The following ZNF717 variants were observed in gnomAD, a reference collection of about 807,000 sequenced individuals.
The protein encoded by ZNF717 is krueppel-like factor X17.
ZNF717 carries 9 observed loss-of-function variants against 13.8 expected under a neutral mutation model. That is an observed-to-expected ratio of 0.65 (90% confidence interval 0.39 to 1.14). The LOEUF (loss-of-function observed/expected upper bound fraction) is 1.14, where lower values mean the gene tolerates loss of function less well. Ranked by LOEUF, ZNF717 falls within the 50% of genes most tolerant of loss-of-function variation. The pLI, the probability that ZNF717 is intolerant of heterozygous loss-of-function variation, is 0.01. For synonymous variants in ZNF717, 327 were observed against 364.1 expected, an observed-to-expected ratio of 0.90 and a Z score of 1.16; for missense variants, 1,040 against 1,080.7, an observed-to-expected ratio of 0.96 and a Z score of 0.53.
intron 2 of ZNF717, among the ~76,000 whole-genome samples, chr3:75,752,076 A>C (rs1941882192): frequency 1.3e-5 from 2 of 151,524 alleles, no homozygotes; most frequent in Admixed American, 1.3e-4. Context: ...CTGTGGTCTG[A>C]CTAACCCTCA....
At chr3:75,722,852 T>C (rs1471082407) in intron 4 of ZNF717, among the ~76,000 whole-genome samples, 2 of 71,816 alleles carry the variant, frequency 2.8e-5, no homozygotes, top group Non-Finnish European at 8.9e-5. Flanking sequence ...ACTATTGTTC[T>C]TCTTCTTTGA....
At chr3:75,754,906 T>C (rs545953746) in intron 2 of ZNF717, among the ~76,000 whole-genome samples, 9 of 150,588 alleles carry the variant, frequency 6.0e-5, no homozygotes, top group Admixed American at 2.6e-4. Context: ...TCAAACTATA[T>C]GAAATAAAAG....
chr3:75,756,199 T>C (rs568286480), intron 2 of ZNF717, among the ~76,000 whole-genome samples: 53 of 152,316 alleles, frequency 3.5e-4, no homozygotes, highest in African/African-American at 1.2e-3. Flanking sequence ...ACTATTGTCA[T>C]TGTTTTGGGA....
chr3:75,773,941 C>T (rs1944092598), intron 2 of ZNF717, among the ~76,000 whole-genome samples: 1 of 152,128 alleles, frequency 6.6e-6, no homozygotes. Flanking sequence ...CCCAGCTACT[C>T]AGGAGGCTGG....
chr3:75,784,037 T>C (rs1426844386), intron 1 of ZNF717, among the ~76,000 whole-genome samples: 1 of 152,174 alleles, frequency 6.6e-6, no homozygotes, highest in Non-Finnish European at 1.5e-5. Context: ...CAAATATCCA[T>C]TGGTTCTTGC....
chr3:75,696,485 C>A (rs1575756538), intron 6 of ZNF717, among the ~76,000 whole-genome samples: 1 of 152,304 alleles, frequency 6.6e-6, no homozygotes, highest in African/African-American at 2.4e-5. Flanking sequence ...AAAAACCTAG[C>A]AAACTGAATT....
At chr3:75,773,445 G>T (rs1372982203) in intron 2 of ZNF717, among the ~76,000 whole-genome samples, 1 of 152,198 alleles carries the variant, frequency 6.6e-6, no homozygotes, top group Non-Finnish European at 1.5e-5. Flanking sequence ...GTCTCATCTA[G>T]GGATGCCTAT....
Position 75,736,915 on chromosome 3 carries a change from C to T in ZNF717, c.2708G>A (p.Gly903Asp). Residue 903 changes from glycine (G) to aspartate (D), a missense_variant, in exon 5 of 5, where the codon GGC becomes GAC. This residue lies in a region of ZNF717 where 44 missense variants were observed against 70.1 expected (regional missense o/e 0.63). Transcript: ENST00000652011. ...IGEKSDVAEA[G>D]YVFPQNHSFF... ...AGAGTGATTTTGAGGGAACACATAGCCTGCCTCAGCTACGTCAGATTTCTC... is the reference window on the plus strand; with the variant it reads ...AGAGTGATTTTGAGGGAACACATAGTCTGCCTCAGCTACGTCAGATTTCTC... 6 of 1,556,836 alleles carry T rather than the reference C, an allele frequency of 3.9e-6. No individual in the cohort carries two copies. In the South Asian group the frequency reaches 5.9e-5, roughly 15 times the overall value.
chr3:75,755,125 A>C (rs1240717544), intron 2 of ZNF717, among the ~76,000 whole-genome samples: 1 of 152,222 alleles, frequency 6.6e-6, no homozygotes, highest in African/African-American at 2.4e-5. Flanking sequence ...AAGGAGAATT[A>C]AGGCCTTCCT....
chr3:75,713,001 C>G (rs1223105204), intron 5 of ZNF717, among the ~76,000 whole-genome samples: 1 of 151,872 alleles, frequency 6.6e-6, no homozygotes, highest in Admixed American at 6.6e-5. Context: ...AATCCCAGCA[C>G]TTTGGGAGGC....
chr3:75,772,314 C>T (rs181263406), intron 2 of ZNF717, among the ~76,000 whole-genome samples: 54 of 152,354 alleles, frequency 3.5e-4, no homozygotes, highest in Admixed American at 1.8e-3. Flanking sequence ...GAGAAGAACT[C>T]GGGACCTGCC....
At chr3:75,721,745 G>GA (rs1479247069) in intron 4 of ZNF717, among the ~76,000 whole-genome samples, 17 of 151,778 alleles carry the variant, frequency 1.1e-4, no homozygotes, top group Non-Finnish European at 2.1e-4. Context: ...ATGATAGAAA[G>GA]AAAAAATGAA....
At chr3:75,729,588 C>T (rs1938395548), downstream of ZNF717, among the ~76,000 whole-genome samples, 1 of 137,634 alleles carries the variant, frequency 7.3e-6, no homozygotes, top group African/African-American at 2.7e-5. Context: ...GCACTCCAGC[C>T]TGGGTGACAA....
downstream of ZNF717, among the ~76,000 whole-genome samples, chr3:75,726,600 G>A (rs111269059): frequency 7.2e-5 from 11 of 152,254 alleles, no homozygotes; most frequent in African/African-American, 2.2e-4. Context: ...CCAGTCCCAA[G>A]GACACAAAGA....
At chr3:75,728,427 C>G (rs1279653083), downstream of ZNF717, among the ~76,000 whole-genome samples, 2 of 152,204 alleles carry the variant, frequency 1.3e-5, no homozygotes, top group East Asian at 1.9e-4. Flanking sequence ...TTGAGAAATA[C>G]AGTTTTCATG....
At chr3:75,694,876 AT>A (rs889410843) in intron 6 of ZNF717, among the ~76,000 whole-genome samples, 24 of 152,224 alleles carry the variant, frequency 1.6e-4, no homozygotes, top group Non-Finnish European at 2.6e-4. Context: ...AAATTAGATT[AT>A]AATACAAGAG....
chr3:75,697,050 A>G (rs796275468), intron 6 of ZNF717, among the ~76,000 whole-genome samples: 2 of 152,300 alleles, frequency 1.3e-5, no homozygotes, highest in African/African-American at 2.4e-5. Flanking sequence ...AAAGTCATAT[A>G]TGACAGACCA....
intron 6 of ZNF717, among the ~76,000 whole-genome samples, chr3:75,702,558 T>C (rs1177963556): frequency 5.9e-4 from 90 of 151,534 alleles, no homozygotes; most frequent in African/African-American, 2.2e-3. Context: ...CAGTATTTGA[T>C]AGCACAACAG....
At chr3:75,714,462 T>C (rs1392975595) in intron 5 of ZNF717, among the ~76,000 whole-genome samples, 1 of 152,084 alleles carries the variant, frequency 6.6e-6, no homozygotes, top group East Asian at 1.9e-4. Context: ...ATTATTATAA[T>C]ATTGGAATAA....
Sources: allele counts gnomAD v4.1 joint callset (sites outside exome capture counted in the v4.1 genomes callset), GRCh38; gene constraint gnomAD v4.1.1; regional missense constraint gnomAD v4.1.1; transcripts MANE v1.5; gene names NCBI Gene and HGNC (gene_info 2026-07-23, HGNC 2026-07-21).